SYDE1: variants seen among roughly 807,000 people sequenced by gnomAD.
SYDE1 encodes synapse defective Rho GTPase activating protein 1.
A neutral mutation model predicts 63.3 loss-of-function variants in SYDE1; 34 were observed. That is an observed-to-expected ratio of 0.54 (90% CI 0.41 to 0.71). The LOEUF (loss-of-function observed/expected upper bound fraction) is 0.71. SYDE1 is among the 30% of genes least tolerant of loss of function. The pLI is 0.00. For synonymous variants in SYDE1, 467 were observed against 473.4 expected, an observed-to-expected ratio of 0.99 and a Z score of 0.18; for missense variants, 925 against 1,042.5, an observed-to-expected ratio of 0.89 and a Z score of 1.55.
In SYDE1 at chr19:15,111,502, G is replaced by C; in HGVS notation, c.1417+63G>C. ...ATTCAATGCCTCACTTCAAGGCCTTGGGGCTCCTCTGGGACCTCAGTCCTC... is the reference window on the plus strand; with the variant it reads ...ATTCAATGCCTCACTTCAAGGCCTTCGGGCTCCTCTGGGACCTCAGTCCTC... On this transcript the variant is annotated intron_variant, in intron 5 of 7. Coordinates refer to ENST00000342784, the MANE Select transcript of SYDE1 (RefSeq NM_033025.6). The surrounding 1 kb of genome is among the most constrained non-coding windows in gnomAD (Gnocchi z 5.5). The C allele has an allele frequency of 6.2e-7, 1 of 1,603,796 alleles. No individual in the cohort carries two copies. The highest frequency in any genetic ancestry group is 8.5e-7 in the Non-Finnish European group (1 of 1,173,180).
At position 15,114,829 on chromosome 19, in the gene SYDE1, G is replaced by A. The variant is rs2046375109; in HGVS notation, c.*866G>A. The A allele has an allele frequency of 3.3e-6, 1 of 302,528 alleles. No individual in the cohort carries two copies. The highest frequency in any genetic ancestry group is 8.7e-5 in the East Asian group (1 of 11,478). 18.7% of individuals were successfully genotyped at this position (302,528 alleles called of 1,614,324 possible). ...TTCAGGGACCACAGAGGAGGGAGCA[G>A]TTTGCAGTGCCCAGCCACCCTGAAA... On this transcript the variant is annotated 3_prime_UTR_variant, in exon 8 of 8. Coordinates refer to ENST00000342784, the MANE Select transcript of SYDE1 (RefSeq NM_033025.6).
In SYDE1 at chr19:15,110,424, G is replaced by A; in HGVS notation, c.1075+76G>A. 1 of 1,474,780 alleles carries A rather than the reference G, an allele frequency of 6.8e-7. No individual in the cohort carries two copies. The highest frequency in any genetic ancestry group is 9.0e-7 in the Non-Finnish European group (1 of 1,108,768). 91.4% of individuals were successfully genotyped at this position (1,474,780 alleles called of 1,614,324 possible). Reference sequence around the variant, plus strand: ...CGCCACCCCCCGCAGAGTGCCTAGGGGGCTGGGCTCCGGGCGGAAGGTGTG... The same window carrying A: ...CGCCACCCCCCGCAGAGTGCCTAGGAGGCTGGGCTCCGGGCGGAAGGTGTG... On this transcript the variant is annotated intron_variant, in intron 3 of 7. Coordinates refer to ENST00000342784, the MANE Select transcript of SYDE1 (RefSeq NM_033025.6). The surrounding 1 kb of genome is among the most constrained non-coding windows in gnomAD (Gnocchi z 6.9).
rs1259046778 is a variant in SYDE1, at chr19:15,112,510, C to T, written c.1743C>T (p.Ala581=). 4 of 1,606,846 alleles carry T rather than the reference C, an allele frequency of 2.5e-6. No homozygotes were observed. The East Asian group carries it at 9.0e-5, about 36-fold the overall frequency. ...PRARSSGPGL[A]SAVDFKHHIE... ...CCCGCAGCTCCGGCCCAGGCCTTGC[C>T]AGTGCAGTGGACTTCAAGCACCACA... Residue 581 remains alanine (A), a synonymous_variant, in exon 7 of 8, where the codon GCC becomes GCT. Transcript: ENST00000342784.
At position 15,113,771 on chromosome 19, in the gene SYDE1, G is replaced by C. The variant is rs1383883509; in HGVS notation, c.2016G>C (p.Gly672=). 2 of 1,614,132 alleles carry C rather than the reference G, an allele frequency of 1.2e-6. No homozygotes were observed. The highest frequency in any genetic ancestry group is 2.2e-5 in the East Asian group (1 of 44,890). ...FLPCGRDFLS[G]PDYDHVTGSD... is the part of the protein sequence containing the mutation. ...CCTGTGGGCGGGATTTCCTGTCCGG[G>C]CCAGACTACGACCACGTGACGGGCA... Residue 672 remains glycine (G), a synonymous_variant, in exon 8 of 8, where the codon GGG becomes GGC. Coordinates refer to ENST00000342784, the MANE Select transcript of SYDE1 (RefSeq NM_033025.6).
Position 15,107,584 on chromosome 19 carries a change from C to G in SYDE1, c.88+63C>G, listed in dbSNP as rs996152220. ...CCCACCCGGCCTGGGAGCGGGGTCC[C>G]AGGGCCCCGAGGACAGACGGTGGGG... On this transcript the variant is annotated intron_variant, in intron 1 of 7. Transcript: ENST00000342784. 6 of 1,284,374 alleles carry G rather than the reference C, an allele frequency of 4.7e-6. No individual in the cohort carries two copies. In the South Asian group the frequency reaches 6.5e-5, roughly 14 times the overall value. 79.6% of individuals were successfully genotyped at this position (1,284,374 alleles called of 1,614,324 possible).
In SYDE1 at chr19:15,110,346, G is replaced by C; in HGVS notation, c.1073G>C (p.Arg358Pro). The C allele has an allele frequency of 7.0e-7, 1 of 1,432,522 alleles. No individual in the cohort carries two copies. The highest frequency in any genetic ancestry group is 1.4e-5 in the African/African-American group (1 of 69,670). 88.7% of individuals were successfully genotyped at this position (1,432,522 alleles called of 1,614,324 possible). Residue 358 changes from arginine to proline, a missense_variant and splice_region_variant, in exon 3 of 8, where the codon CGA becomes CCA. By Grantham distance (103) the Arg-to-Pro change is moderately radical. Coordinates refer to ENST00000342784, the MANE Select transcript of SYDE1 (RefSeq NM_033025.6). The surrounding 1 kb of genome is among the most constrained non-coding windows in gnomAD (Gnocchi z 6.9). ...ACCGTGCTGCTGCCCACGGTCTTCC[G>C]AGGTAGGACATGCGGCTGCAGGGGA... is the stretch of plus-strand genomic sequence containing the variant. ...QGTVLLPTVFRGCQAQQLAVR... is the reference protein window; with the variant it reads ...QGTVLLPTVFPGCQAQQLAVR...
At position 15,110,689 on chromosome 19, in the gene SYDE1, T is replaced by G. The variant is rs1355614422; in HGVS notation, c.1244T>G (p.Leu415Arg). The change falls in exon 4 of 8, where the codon CTC becomes CGC. Residue 415 changes from leucine to arginine, a missense_variant. Physicochemically the swap from Leu to Arg is moderately radical, Grantham distance 102. Around this residue, in one of 3 missense-constraint regions of SYDE1, gnomAD observed 599 missense variants for 653.7 expected, o/e 0.92. Transcript: ENST00000342784. This position sits in a 1 kb window ranked among gnomAD's most constrained non-coding sequence, Gnocchi z 6.9. Reference sequence around the variant, plus strand: ...GAGCGGCCCCCCGGCCAGGTGCCCCTCATCATCCAGAAGTGCGTTGGGCAG... The same window carrying G: ...GAGCGGCCCCCCGGCCAGGTGCCCCGCATCATCCAGAAGTGCGTTGGGCAG... Reference protein sequence around the residue: ...ERERPPGQVPLIIQKCVGQIE... With the variant: ...ERERPPGQVPRIIQKCVGQIE... 1 of 1,582,534 alleles carries G rather than the reference T, an allele frequency of 6.3e-7. No individual in the cohort carries two copies. The highest frequency in any genetic ancestry group is 2.3e-5 in the East Asian group (1 of 43,246).
chr19:15,109,494 A>AGGAG lies in SYDE1; in HGVS notation c.430+98_430+101dup. On this transcript the variant is annotated intron_variant, in intron 2 of 7. Coordinates refer to ENST00000342784, the MANE Select transcript of SYDE1 (RefSeq NM_033025.6). The surrounding 1 kb of genome is among the most constrained non-coding windows in gnomAD (Gnocchi z 5.0). ...CCAGCCTCACACTCCCTCCTCCCAG[A>AGGAG]GGAGCACCAACCTCACACTCCTTCC... The AGGAG allele has an allele frequency of 2.2e-6, 3 of 1,363,530 alleles. No homozygotes were observed. Among genetic ancestry groups the AGGAG allele is most frequent in the Non-Finnish European group, 2.9e-6 (3 of 1,022,892 alleles). 84.5% of individuals were successfully genotyped at this position (1,363,530 alleles called of 1,614,324 possible).
intron 1 of SYDE1, among the ~76,000 whole-genome samples, chr19:15,107,951 G>A (rs1267844310): frequency 6.6e-6 from 1 of 152,106 alleles, no homozygotes. Context: ...AGAGAGGGGC[G>A]GCCCGTCAAT....
chr19:15,112,502 G>C lies in SYDE1; in HGVS notation c.1735G>C (p.Gly579Arg). 5 of 1,606,922 alleles carry C rather than the reference G, an allele frequency of 3.1e-6. No individual in the cohort carries two copies. The highest frequency in any genetic ancestry group is 4.2e-6 in the Non-Finnish European group (5 of 1,177,020). ...TRPRARSSGPGLASAVDFKHH... is the reference protein window; with the variant it reads ...TRPRARSSGPRLASAVDFKHH... ...GCCTCGTGCCCGCAGCTCCGGCCCA[G>C]GCCTTGCCAGTGCAGTGGACTTCAA... Residue 579 changes from glycine to arginine, a missense_variant, in exon 7 of 8, where the codon GGC becomes CGC. Physicochemically the swap from Gly to Arg is moderately radical, Grantham distance 125 (BLOSUM62 -2). This residue lies in a region of SYDE1 where 255 missense variants were observed against 255.9 expected (regional missense o/e 1.00). Transcript: ENST00000342784.
At chr19:15,107,614 T>A (rs1469984108) in intron 1 of SYDE1, 93 bp downstream of exon 1, 33 of 768,194 alleles carry the variant, frequency 4.3e-5, no homozygotes, top group East Asian at 7.2e-5. Context: ...GTGGGGGGGA[T>A]CAGGGGGAGC....
In SYDE1 at chr19:15,113,987, GGTTA is replaced by G; in HGVS notation, c.*27_*30del. ...GAGCCAGATGACGGGGTGGGACCCCGGTTAGTAAGGACCGGGCGCCCAGTGGCTA... is the reference window on the plus strand; with the variant it reads ...GAGCCAGATGACGGGGTGGGACCCCGGTAAGGACCGGGCGCCCAGTGGCTA... On this transcript the variant is annotated 3_prime_UTR_variant, in exon 8 of 8. Coordinates refer to ENST00000342784, the MANE Select transcript of SYDE1 (RefSeq NM_033025.6). The G allele has an allele frequency of 6.3e-7, 1 of 1,597,186 alleles. No individual in the cohort carries two copies. The highest frequency in any genetic ancestry group is 1.7e-4 in the Middle Eastern group (1 of 5,978).
chr19:15,109,650 A>T lies in SYDE1; in HGVS notation c.431-54A>T. 4 of 1,067,710 alleles carry T rather than the reference A, an allele frequency of 3.7e-6. No homozygotes were observed. The highest frequency in any genetic ancestry group is 1.7e-5 in the South Asian group (1 of 59,420). The allele number at this position is 1,067,710 out of a possible 1,614,324, so 66.1% of individuals were successfully genotyped here. On this transcript the variant is annotated intron_variant, in intron 2 of 7. Coordinates refer to ENST00000342784, the MANE Select transcript of SYDE1 (RefSeq NM_033025.6). The surrounding 1 kb of genome is among the most constrained non-coding windows in gnomAD (Gnocchi z 5.0). ...TTCCCTTCAGGGGAGCACCAGCCTC[A>T]CCCCCCTCCCCTAAGCCCAGGTTCC...
At position 15,108,954 on chromosome 19, in the gene SYDE1, G is replaced by T; in HGVS notation, c.89-102G>T. Reference sequence around the variant, plus strand: ...AGGAACCATGACTTATCAGGGGCCGGCCAGGGCCGTACACAGCATCCCACC... The same window carrying T: ...AGGAACCATGACTTATCAGGGGCCGTCCAGGGCCGTACACAGCATCCCACC... On this transcript the variant is annotated intron_variant, in intron 1 of 7. Coordinates refer to ENST00000342784, the MANE Select transcript of SYDE1 (RefSeq NM_033025.6). The surrounding 1 kb of genome is among the most constrained non-coding windows in gnomAD (Gnocchi z 4.3). The T allele has an allele frequency of 1.4e-6, 2 of 1,416,728 alleles. No homozygotes were observed. Among genetic ancestry groups the T allele is most frequent in the South Asian group, 1.6e-5 (1 of 64,264 alleles). The allele number at this position is 1,416,728 out of a possible 1,614,324, so 87.8% of individuals were successfully genotyped here.
In SYDE1 at chr19:15,110,149, A is replaced by T; in HGVS notation, c.876A>T (p.Leu292=). Residue 292 remains leucine (L), a synonymous_variant, in exon 3 of 8, where the codon CTA becomes CTT. Coordinates refer to ENST00000342784, the MANE Select transcript of SYDE1 (RefSeq NM_033025.6). The surrounding 1 kb of genome is among the most constrained non-coding windows in gnomAD (Gnocchi z 6.9). ...CCACCCCCAGGGACCTCTGCTGCCT[A>T]CTGCAAGTGGATGGGGAGGCCAGGG... ...PGATPRDLCC[L]LQVDGEARAR... is the part of the protein sequence containing the mutation. The T allele has an allele frequency of 7.1e-7, 1 of 1,404,966 alleles. No individual in the cohort carries two copies. The highest frequency in any genetic ancestry group is 9.2e-7 in the Non-Finnish European group (1 of 1,084,184). 87.0% of individuals were successfully genotyped at this position (1,404,966 alleles called of 1,614,324 possible). A position where few individuals can be genotyped will look rare whatever the true frequency, so the allele number is the denominator to read the frequency against.
chr19:15,112,563 C>T lies in SYDE1; in HGVS notation c.1796C>T (p.Ser599Phe). Reference protein sequence around the residue: ...HIEVLHYLLQSWPDPRLPRQS... With the variant: ...HIEVLHYLLQFWPDPRLPRQS... The stretch of plus-strand genomic sequence containing the variant: ...GAGGTGCTGCACTACCTGCTGCAGT[C>T]TTGGCCAGGTGAGTTCATGCCCAGG... The change falls in exon 7 of 8, where the codon TCT (serine) becomes TTT (phenylalanine). Residue 599 changes from serine (S) to phenylalanine (F), a missense_variant. This residue lies in a region of SYDE1 where 255 missense variants were observed against 255.9 expected (regional missense o/e 1.00). Transcript: ENST00000342784. 1 of 1,577,410 alleles carries T rather than the reference C, an allele frequency of 6.3e-7. No homozygotes were observed. Among genetic ancestry groups the T allele is most frequent in the Non-Finnish European group, 8.6e-7 (1 of 1,160,452 alleles).
At position 15,109,719 on chromosome 19, in the gene SYDE1, GCC is replaced by G; in HGVS notation, c.451_452del (p.Pro151AsnfsTer241). The G allele has an allele frequency of 6.6e-7, 1 of 1,515,650 alleles. No individual in the cohort carries two copies. The allele number at this position is 1,515,650 out of a possible 1,614,324, so 93.9% of individuals were successfully genotyped here. A position where few individuals can be genotyped will look rare whatever the true frequency, so the allele number is the denominator to read the frequency against. On this transcript the variant is annotated frameshift_variant, in exon 3 of 8. Transcript: ENST00000342784. LOFTEE classifies it high-confidence loss of function. This position sits in a 1 kb window ranked among gnomAD's most constrained non-coding sequence, Gnocchi z 5.0. ...CTCCACACAGGTGCAGCCCCCGCCA[GCC>G]CCCCAACCAAAGCCTCCCGCACCAA...
At chr19:15,113,414 G>C (rs8109071) in intron 7 of SYDE1, 146 bp from the exon 8 acceptor site, 701,121 of 947,808 alleles carry the variant, frequency 0.74, 262,023 homozygotes, top group Middle Eastern at 0.78. Context: ...GCCTAGTTGC[G>C]TAAGCAACCA....
rs776491712 is a variant in SYDE1, at chr19:15,109,111, C to A, written c.144C>A (p.Pro48=). 7 of 1,544,540 alleles carry A rather than the reference C, an allele frequency of 4.5e-6. No individual in the cohort carries two copies. Among genetic ancestry groups the A allele is most frequent in the Non-Finnish European group, 6.1e-6 (7 of 1,145,018 alleles). ...CTCCAGAGCCAGAGCCCCAGGCTCC[C>A]GAAGGGTCCCAGGCCGGAGCAGAGG... ...PSPPEPEPQA[P]EGSQAGAEGP... The change falls in exon 2 of 8, where the codon CCC becomes CCA. Residue 48 remains proline, a synonymous_variant. Transcript: ENST00000342784. The surrounding 1 kb of genome is among the most constrained non-coding windows in gnomAD (Gnocchi z 5.0).
Sources: gnomAD v4.1 joint callset for allele counts (sites outside exome capture counted in the v4.1 genomes callset) on GRCh38, gnomAD v4.1.1 for gene constraint, gnomAD v4.1.1 regional missense constraint, Gnocchi (gnomAD v3.1) non-coding constraint, MANE v1.5 for transcripts, NCBI Gene and HGNC (gene_info 2026-07-23, HGNC 2026-07-21) for gene names.